The following MSRB3 variants were observed in gnomAD, a reference collection of about 807,000 sequenced individuals.
MSRB3 encodes methionine sulfoxide reductase B3, also known as methionine-R-sulfoxide reductase B3.
In MSRB3, 13 loss-of-function variants were observed where a neutral mutation model predicts 21.0. The observed-to-expected ratio is 0.62, with a 90% CI of 0.40 to 0.98. The LOEUF (loss-of-function observed/expected upper bound fraction) is 0.98, where lower values mean the gene tolerates loss of function less well. MSRB3 is among the 50% of genes least tolerant of loss of function. The probability of loss-of-function intolerance (pLI) is 0.00; values close to 1 mark genes in which losing one functional copy is unlikely to be tolerated. For synonymous variants in MSRB3, 87 were observed against 88.6 expected, an observed-to-expected ratio of 0.98 and a Z score of 0.10; for missense variants, 199 against 230.3, an observed-to-expected ratio of 0.86 and a Z score of 0.88.
intron 1 of MSRB3, among the ~76,000 whole-genome samples, chr12:65,303,410 A>T (rs965686883): frequency 6.6e-6 from 1 of 152,202 alleles, no homozygotes; most frequent in Non-Finnish European, 1.5e-5. Context: ...TGACCAAAAT[A>T]GGGCATTTGA....
At chr12:65,392,954 T>C (rs1040570178) in intron 5 of MSRB3, among the ~76,000 whole-genome samples, 12 of 152,298 alleles carry the variant, frequency 7.9e-5, no homozygotes, top group Middle Eastern at 6.8e-3. Context: ...CTTTAACAGC[T>C]CCCACAATAT....
At chr12:65,410,991 C>T (rs938301981) in intron 5 of MSRB3, among the ~76,000 whole-genome samples, 6 of 151,768 alleles carry the variant, frequency 4.0e-5, no homozygotes, top group African/African-American at 7.3e-5. Flanking sequence ...TATGGGGTAG[C>T]GTATTTGATA....
Position 65,278,864 on chromosome 12 carries a change from CG to C in MSRB3, c.-52+1del, listed in dbSNP as rs1871821827. The C allele has an allele frequency of 6.4e-7, 1 of 1,556,192 alleles. No homozygotes were observed. The highest frequency in any genetic ancestry group is 1.4e-5 in the African/African-American group (1 of 73,226). ...CCGCGGCTCTGGGAAGTGCGCAGTC[CG>C]GTAAGTTCGGGCTCCCCTCCCCTCT... On this transcript the variant is annotated splice_region_variant and 5_prime_UTR_variant, in exon 1 of 7. The change abolishes the stop of an existing upstream ORF in the 5' untranslated region. Transcript: ENST00000308259.
chr12:65,287,551 A>G (rs531436460), intron 1 of MSRB3, among the ~76,000 whole-genome samples: 368 of 152,300 alleles, frequency 2.4e-3, no homozygotes, highest in Admixed American at 7.1e-3. Context: ...GTGTGTAGCT[A>G]AGGAAAGGTA....
At chr12:65,437,334 C>T (rs2270547) in intron 5 of MSRB3, among the ~76,000 whole-genome samples, 43,011 of 151,680 alleles carry the variant, frequency 0.28, 6,755 homozygotes, top group Middle Eastern at 0.45. Context: ...TAAGAAGCGG[C>T]TAAACATCTG....
intron 5 of MSRB3, among the ~76,000 whole-genome samples, chr12:65,427,385 A>C (rs1881653469): frequency 6.6e-6 from 1 of 152,152 alleles, no homozygotes; most frequent in South Asian, 2.1e-4. Flanking sequence ...TTCTGTGTCC[A>C]TAGTGGCAGT....
chr12:65,351,157 C>T (rs1451237355), intron 4 of MSRB3, among the ~76,000 whole-genome samples: 4 of 151,594 alleles, frequency 2.6e-5, no homozygotes, highest in Admixed American at 2.0e-4. Context: ...GATTAAGAAT[C>T]TCACTCAAAA....
intron 5 of MSRB3, among the ~76,000 whole-genome samples, chr12:65,441,535 T>G (rs1054241973): frequency 6.6e-6 from 1 of 152,024 alleles, no homozygotes; most frequent in African/African-American, 2.4e-5. Flanking sequence ...GGAACGTATA[T>G]AGAAAATTCA....
rs578250962 is a variant in MSRB3, at chr12:65,460,271, A to G, written c.391-2884A>G. ...GCTAAAGAAACAATGCTCCTCTGGC[A>G]ACTTCCATTTATCCTCCCAGCTTTC... is the stretch of plus-strand genomic sequence containing the variant. On this transcript the variant is annotated intron_variant, in intron 6 of 6. Transcript: ENST00000308259. Among the ~76,000 whole-genome samples, 11 of 152,348 alleles carry G rather than the reference A, an allele frequency of 7.2e-5. No individual in the cohort carries two copies. The East Asian group carries it at 2.1e-3, about 29-fold the overall frequency.
Position 65,348,047 on chromosome 12 carries a change from T to C in MSRB3, c.263+19444T>C, listed in dbSNP as rs190596932. On this transcript the variant is annotated intron_variant, in intron 4 of 6. Transcript: ENST00000308259. Reference sequence around the variant, plus strand: ...TTAGGGATATTGGTCTAAAATTCTCTTTTTTTGTTGTGTCTCTGCCAGGCT... The same window carrying C: ...TTAGGGATATTGGTCTAAAATTCTCCTTTTTTGTTGTGTCTCTGCCAGGCT... 4.1e-3 allele frequency among the ~76,000 whole-genome samples: 629 copies of C among 152,262 alleles called. 6 individuals carry two copies. Among genetic ancestry groups the C allele is most frequent in the Middle Eastern group, 0.014 (4 of 294 alleles).
chr12:65,373,157 G>A (rs148907328), intron 5 of MSRB3, among the ~76,000 whole-genome samples: 1,743 of 152,224 alleles, frequency 0.011, 26 homozygotes, highest in Non-Finnish European at 0.015. Context: ...GAACATGCAC[G>A]TCTCTCAAAC....
chr12:65,378,791 T>C (rs947980294), intron 5 of MSRB3, among the ~76,000 whole-genome samples: 4 of 152,200 alleles, frequency 2.6e-5, no homozygotes, highest in Non-Finnish European at 4.4e-5. Flanking sequence ...TATTTCTTTA[T>C]AATGAGAAAT....
chr12:65,377,767 G>A (rs1452310915), intron 5 of MSRB3, among the ~76,000 whole-genome samples: 1 of 152,228 alleles, frequency 6.6e-6, no homozygotes, highest in Non-Finnish European at 1.5e-5. Flanking sequence ...CAGGGCCAGA[G>A]TTGACAATTT....
At chr12:65,439,602 A>T (rs1426126400) in intron 5 of MSRB3, among the ~76,000 whole-genome samples, 4 of 151,702 alleles carry the variant, frequency 2.6e-5, no homozygotes, top group Non-Finnish European at 5.9e-5. Context: ...ATCCAATGAA[A>T]CTAGAGATAA....
At chr12:65,294,592 ACATG>A (rs2136400771) in intron 1 of MSRB3, among the ~76,000 whole-genome samples, 1 of 152,224 alleles carries the variant, frequency 6.6e-6, no homozygotes, top group East Asian at 1.9e-4. Context: ...GCATGTGTGC[ACATG>A]CATGTGCGAG....
chr12:65,342,204 T>TA (rs147724993), intron 4 of MSRB3, among the ~76,000 whole-genome samples: 6,344 of 146,746 alleles, frequency 0.043, 429 homozygotes, highest in African/African-American at 0.15. Flanking sequence ...AGTATATTAT[T>TA]AAAAAAAAAA....
rs151326367 is a variant in MSRB3 at position 65,434,810 on chromosome 12, A to G, written c.293-18918A>G. 5.7e-3 allele frequency among the ~76,000 whole-genome samples: 870 copies of G among 152,078 alleles called. 3 individuals carry two copies. The highest frequency in any genetic ancestry group is 8.8e-3 in the Non-Finnish European group (600 of 67,902). On this transcript the variant is annotated intron_variant, in intron 5 of 6. Transcript: ENST00000308259. The stretch of plus-strand genomic sequence containing the variant: ...GATTAGCTATTTTAAATGCACTGAT[A>G]TAATTATATCATTTGGTCTTTGTAA...
intron 5 of MSRB3, chr12:65,419,076 C>T (rs1370915294): frequency 2.9e-6 from 2 of 697,106 alleles, no homozygotes; most frequent in East Asian, 2.7e-5. Context: ...TCAGATTTCT[C>T]ATGGAGTCCA....
intron 5 of MSRB3, among the ~76,000 whole-genome samples, chr12:65,449,285 C>G (rs959903766): frequency 4.0e-5 from 6 of 151,786 alleles, no homozygotes; most frequent in African/African-American, 7.3e-5. Context: ...GATCCACCCC[C>G]CCAGAGTGAA....
Sources: gnomAD v4.1 joint callset for allele counts (sites outside exome capture counted in the v4.1 genomes callset) on GRCh38, gnomAD v4.1.1 for gene constraint, MANE v1.5 for transcripts, NCBI Gene and HGNC (gene_info 2026-07-23, HGNC 2026-07-21) for gene names.